RGS5: variants seen among roughly 807,000 people sequenced by gnomAD.
RGS5 encodes the protein regulator of G-protein signalling 5.
In RGS5, 20 loss-of-function variants were observed where a neutral mutation model predicts 18.9. The observed-to-expected ratio is 1.06, with a 90% CI of 0.74 to 1.54. The LOEUF is 1.54. Among genes scored for constraint, RGS5 ranks in the 40% most tolerant of loss-of-function variants. RGS5 has a pLI of 0.00. For missense variants in RGS5, 201 were observed against 211.8 expected, an observed-to-expected ratio of 0.95 and a Z score of 0.32; for synonymous variants, 57 against 76.2, an observed-to-expected ratio of 0.75 and a Z score of 1.31.
chr1:163,148,217 G>A (rs570968958), intron 4 of RGS5, among the ~76,000 whole-genome samples: 4 of 152,112 alleles, frequency 2.6e-5, no homozygotes, highest in South Asian at 2.1e-4. Flanking sequence ...GTGAGCCACC[G>A]CGTCCGGCCC....
chr1:163,251,085 T>C (rs560850465), intron 2 of RGS5, among the ~76,000 whole-genome samples: 2 of 152,302 alleles, frequency 1.3e-5, no homozygotes, highest in East Asian at 3.9e-4. Flanking sequence ...CCGAAGGTTA[T>C]CTAGTAATAC....
chr1:163,223,211 CACT>C (rs1221722195), intron 2 of RGS5, among the ~76,000 whole-genome samples: 1 of 152,064 alleles, frequency 6.6e-6, no homozygotes, highest in Non-Finnish European at 1.5e-5. Flanking sequence ...TTCTGATTAC[CACT>C]GTGTCCCTGT....
chr1:163,281,882 C>G (rs1649001140), intron 2 of RGS5, among the ~76,000 whole-genome samples: 1 of 152,076 alleles, frequency 6.6e-6, no homozygotes, highest in African/African-American at 2.4e-5. Context: ...AAGAATGAAA[C>G]TAGACCCCTA....
chr1:163,158,767 C>G (rs537594874), intron 3 of RGS5, among the ~76,000 whole-genome samples: 1 of 152,080 alleles, frequency 6.6e-6, no homozygotes, highest in African/African-American at 2.4e-5. Context: ...GTTTCGGGCA[C>G]GCATTGTCAT....
At chr1:163,186,250 T>C (rs1659068995) in intron 1 of RGS5, among the ~76,000 whole-genome samples, 1 of 151,906 alleles carries the variant, frequency 6.6e-6, no homozygotes, top group Admixed American at 6.6e-5. Context: ...TTTGTATTTT[T>C]AGTAGAGACG....
intron 2 of RGS5, among the ~76,000 whole-genome samples, chr1:163,234,811 C>T (rs1194238416): frequency 6.6e-6 from 1 of 152,190 alleles, no homozygotes; most frequent in Non-Finnish European, 1.5e-5. Flanking sequence ...GGAGGGCTGG[C>T]TGAGCTGTGA....
chr1:163,186,436 A>T (rs907723697), intron 1 of RGS5, among the ~76,000 whole-genome samples: 3 of 151,806 alleles, frequency 2.0e-5, no homozygotes, highest in Non-Finnish European at 2.9e-5. Context: ...TGGAAGAATA[A>T]ATATCTTAAA....
rs1003443715 is a variant in RGS5, at chr1:163,146,061, A to C, written c.*1281T>G. 6 of 152,170 alleles carry C rather than the reference A, an allele frequency of 3.9e-5. No homozygotes were observed. The highest frequency in any genetic ancestry group is 8.8e-5 in the Non-Finnish European group (6 of 68,022). The allele number at this position is 152,170 out of a possible 1,614,324, so 9.4% of individuals were successfully genotyped here. A position where few individuals can be genotyped will look rare whatever the true frequency, so the allele number is the denominator to read the frequency against. ...ACTAAAGATTAGAAAAAATTCTAGCAAGACTTATAATCATGAAATACAGAA... is the reference window on the plus strand; with the variant it reads ...ACTAAAGATTAGAAAAAATTCTAGCCAGACTTATAATCATGAAATACAGAA... On this transcript the variant is annotated 3_prime_UTR_variant, in exon 5 of 5. Transcript: ENST00000313961.
intron 2 of RGS5, among the ~76,000 whole-genome samples, chr1:163,163,428 G>A (rs1244512752): frequency 3.3e-5 from 5 of 151,900 alleles, no homozygotes; most frequent in African/African-American, 4.8e-5. Context: ...TTTCTAACAC[G>A]TGAGCTACCC....
intron 2 of RGS5, among the ~76,000 whole-genome samples, chr1:163,254,675 G>T (rs1571321606): frequency 6.6e-6 from 1 of 152,074 alleles, no homozygotes; most frequent in African/African-American, 2.4e-5. Context: ...GTCAATTTTG[G>T]CTTTTGTTGC....
intron 3 of RGS5, among the ~76,000 whole-genome samples, chr1:163,153,846 C>G (rs1387988009): frequency 2.0e-5 from 3 of 147,418 alleles, no homozygotes; most frequent in African/African-American, 7.4e-5. Context: ...ATATATAAAC[C>G]AAAATTCTAA....
intron 1 of RGS5, chr1:163,321,486 T>C (rs1375016568): frequency 1.3e-5 from 2 of 152,222 alleles, no homozygotes; most frequent in African/African-American, 4.8e-5. Flanking sequence ...CCTGAGGGGA[T>C]GATAGTATCT....
intron 2 of RGS5, among the ~76,000 whole-genome samples, chr1:163,285,820 G>C (rs1483437423): frequency 1.3e-5 from 2 of 151,860 alleles, no homozygotes; most frequent in African/African-American, 2.4e-5. Flanking sequence ...TGAAGACCGT[G>C]CCTACTTCCC....
chr1:163,202,977 C>A (rs1033232685), upstream of RGS5: 22 of 707,528 alleles, frequency 3.1e-5, no homozygotes, highest in African/African-American at 2.8e-4. Flanking sequence ...GTTGCTCTTC[C>A]AGCCAATCCA....
intron 1 of RGS5, among the ~76,000 whole-genome samples, chr1:163,173,274 T>C (rs1479499033): frequency 6.6e-6 from 1 of 152,214 alleles, no homozygotes; most frequent in African/African-American, 2.4e-5. Flanking sequence ...AAAACTTGTT[T>C]TGAAATAAAA....
At chr1:163,270,004 C>T (rs1352175709) in intron 2 of RGS5, among the ~76,000 whole-genome samples, 1 of 152,108 alleles carries the variant, frequency 6.6e-6, no homozygotes, top group African/African-American at 2.4e-5. Context: ...CCTGTTAACT[C>T]ATTTTTTTTC....
intron 1 of RGS5, among the ~76,000 whole-genome samples, chr1:163,313,766 A>G (rs1352681966): frequency 6.6e-6 from 1 of 152,194 alleles, no homozygotes; most frequent in African/African-American, 2.4e-5. Context: ...AATCCTTTCT[A>G]GAAGGATTCA....
At chr1:163,246,262 A>T (rs2101694847) in intron 2 of RGS5, among the ~76,000 whole-genome samples, 1 of 149,030 alleles carries the variant, frequency 6.7e-6, no homozygotes, top group South Asian at 2.1e-4. Flanking sequence ...AAAAATAATA[A>T]CAATAAAAAA....
intron 2 of RGS5, among the ~76,000 whole-genome samples, chr1:163,165,708 C>A (rs1658011305): frequency 6.6e-6 from 1 of 152,064 alleles, no homozygotes; most frequent in Non-Finnish European, 1.5e-5. Flanking sequence ...GTGTTCGAGA[C>A]CAGCCTGACC....
Sources: gnomAD v4.1 joint callset for allele counts (sites outside exome capture counted in the v4.1 genomes callset) on GRCh38, gnomAD v4.1.1 for gene constraint, MANE v1.5 for transcripts, NCBI Gene and HGNC (gene_info 2026-07-23, HGNC 2026-07-21) for gene names.